ATRNL1: variants seen among roughly 807,000 people sequenced by gnomAD.
The protein encoded by ATRNL1 is attractin like 1, also known as attractin-like protein 1.
A neutral mutation model predicts 182.7 loss-of-function variants in ATRNL1; 95 were observed. The ratio of observed to expected loss-of-function variants is 0.52; its 90% confidence interval spans 0.44 to 0.62. ATRNL1 has a LOEUF of 0.62. Among genes scored for constraint, ATRNL1 ranks in the 20% least tolerant of loss-of-function variants. The pLI, the probability that ATRNL1 is intolerant of heterozygous loss-of-function variation, is 0.00. For synonymous variants in ATRNL1, 576 were observed against 568.3 expected, an observed-to-expected ratio of 1.01 and a Z score of -0.19; for missense variants, 1,471 against 1,679.5, an observed-to-expected ratio of 0.88 and a Z score of 2.17.
chr10:115,754,672 G>A (rs1463756719), intron 27 of ATRNL1, among the ~76,000 whole-genome samples: 1 of 152,138 alleles, frequency 6.6e-6, no homozygotes, highest in Non-Finnish European at 1.5e-5. Context: ...GGTTCCATAT[G>A]AACTTTAAAG....
intron 20 of ATRNL1, among the ~76,000 whole-genome samples, chr10:115,412,987 C>T (rs1284262956): frequency 6.6e-6 from 1 of 151,968 alleles, no homozygotes; most frequent in African/African-American, 2.4e-5. Flanking sequence ...ATCTTGATTC[C>T]AGATCATATT....
At chr10:115,798,197 A>G (rs577703284) in intron 27 of ATRNL1, among the ~76,000 whole-genome samples, 5 of 152,260 alleles carry the variant, frequency 3.3e-5, no homozygotes, top group East Asian at 1.9e-4. Context: ...GATTACAGGC[A>G]GGAGCCACCG....
intron 24 of ATRNL1, among the ~76,000 whole-genome samples, chr10:115,503,834 A>T (rs1298502099): frequency 9.9e-5 from 15 of 151,552 alleles, no homozygotes. Context: ...ACCCTACAAG[A>T]TTTTTTTTCA....
chr10:115,183,311 A>AAAAAGAAT (rs1847818050), intron 8 of ATRNL1, among the ~76,000 whole-genome samples: 1 of 151,616 alleles, frequency 6.6e-6, no homozygotes, highest in Non-Finnish European at 1.5e-5. Context: ...AAAAAGCTAG[A>AAAAAGAAT]AAAAGAATAG....
chr10:115,581,156 A>C (rs2133885830), intron 26 of ATRNL1, among the ~76,000 whole-genome samples: 1 of 152,294 alleles, frequency 6.6e-6, no homozygotes, highest in South Asian at 2.1e-4. Flanking sequence ...CTGTGTTATC[A>C]GACTAGTGTC....
intron 8 of ATRNL1, among the ~76,000 whole-genome samples, chr10:115,177,087 G>A (rs1224496501): frequency 2.0e-5 from 3 of 152,126 alleles, no homozygotes; most frequent in Non-Finnish European, 2.9e-5. Context: ...AGATAAGCAA[G>A]GAAGAGTACG....
chr10:115,806,266 T>C (rs1949918084), intron 27 of ATRNL1, among the ~76,000 whole-genome samples: 1 of 152,130 alleles, frequency 6.6e-6, no homozygotes. Flanking sequence ...AATGCATAAA[T>C]TTTTTAGACA....
At chr10:115,452,977 G>A (rs1847351083) in intron 21 of ATRNL1, among the ~76,000 whole-genome samples, 1 of 152,030 alleles carries the variant, frequency 6.6e-6, no homozygotes, top group Non-Finnish European at 1.5e-5. Context: ...ATTTCACTTA[G>A]CATCATGTTC....
At chr10:115,129,001 C>A (rs1322615653) in intron 4 of ATRNL1, among the ~76,000 whole-genome samples, 3 of 151,936 alleles carry the variant, frequency 2.0e-5, no homozygotes, top group African/African-American at 7.3e-5. Flanking sequence ...AATATACAAT[C>A]AAAACATTGA....
At chr10:115,671,353 A>T (rs2133928585) in intron 26 of ATRNL1, among the ~76,000 whole-genome samples, 1 of 152,282 alleles carries the variant, frequency 6.6e-6, no homozygotes, top group Non-Finnish European at 1.5e-5. Flanking sequence ...AAGAGAAGAA[A>T]AGAAAAAGTA....
chr10:115,316,628 C>T (rs1382207513), intron 18 of ATRNL1, among the ~76,000 whole-genome samples: 1 of 152,124 alleles, frequency 6.6e-6, no homozygotes, highest in African/African-American at 2.4e-5. Context: ...GATGGTATCT[C>T]ATTGTGGTTT....
chr10:115,713,705 C>CTATCTATCTATCTATCATCT lies in ATRNL1; in HGVS notation c.3796-13543_3796-13542insTATCTATCTATCTATCATCT, dbSNP rs1555055340. ...TCTATCTATCTATCTATCTATCTATCATCTATCTATCTATCTATCTATCTA... is the reference window on the plus strand; with the variant it reads ...TCTATCTATCTATCTATCTATCTATCTATCTATCTATCTATCATCTATCTATCTATCTATCTATCTATCTA... On this transcript the variant is annotated intron_variant, in intron 26 of 28. Transcript: ENST00000355044. Among the ~76,000 whole-genome samples the CTATCTATCTATCTATCATCT allele has an allele frequency of 7.7e-3, 776 of 101,108 alleles. 4 individuals carry two copies. Among genetic ancestry groups the CTATCTATCTATCTATCATCT allele is most frequent in the East Asian group, 0.018 (40 of 2,182 alleles). 66.3% of individuals were successfully genotyped at this position (101,108 alleles called of 152,430 possible).
At chr10:115,904,159 C>T (rs1228888163) in intron 28 of ATRNL1, among the ~76,000 whole-genome samples, 1 of 152,146 alleles carries the variant, frequency 6.6e-6, no homozygotes, top group Non-Finnish European at 1.5e-5. Flanking sequence ...AAGCCAATCA[C>T]CTGCCAGCAA....
intron 25 of ATRNL1, among the ~76,000 whole-genome samples, chr10:115,531,055 C>G (rs1168218956): frequency 6.6e-6 from 1 of 151,982 alleles, no homozygotes; most frequent in Non-Finnish European, 1.5e-5. Flanking sequence ...GGTTCCAAGT[C>G]TTTGCTATTG....
chr10:115,606,977 T>C (rs1856907860), intron 26 of ATRNL1, among the ~76,000 whole-genome samples: 1 of 151,954 alleles, frequency 6.6e-6, no homozygotes. Flanking sequence ...CGTGATAAAG[T>C]ATGAGGGACA....
At chr10:115,096,173 T>C (rs947581287) in intron 1 of ATRNL1, among the ~76,000 whole-genome samples, 4 of 152,234 alleles carry the variant, frequency 2.6e-5, no homozygotes, top group Non-Finnish European at 5.9e-5. Context: ...TGAGTATTCA[T>C]CTTTTCCTTG....
intron 19 of ATRNL1, among the ~76,000 whole-genome samples, chr10:115,362,080 C>T (rs1856776589): frequency 6.6e-6 from 1 of 151,852 alleles, no homozygotes; most frequent in South Asian, 2.1e-4. Context: ...CAAGAGCTAT[C>T]ATGTATCCAA....
intron 26 of ATRNL1, among the ~76,000 whole-genome samples, chr10:115,716,097 A>G (rs1050476922): frequency 8.5e-5 from 13 of 152,186 alleles, no homozygotes; most frequent in Non-Finnish European, 1.9e-4. Context: ...TTTAAAAAAC[A>G]TCATGTCTCC....
intron 27 of ATRNL1, among the ~76,000 whole-genome samples, chr10:115,831,189 T>C (rs529675414): frequency 6.0e-4 from 92 of 152,106 alleles, no homozygotes; most frequent in Non-Finnish European, 1.0e-3. Flanking sequence ...TTTCCCTAAG[T>C]GCGTCACTGA....
Sources: allele counts gnomAD v4.1 joint callset (sites outside exome capture counted in the v4.1 genomes callset), GRCh38; gene constraint gnomAD v4.1.1; transcripts MANE v1.5; gene names NCBI Gene and HGNC (gene_info 2026-07-23, HGNC 2026-07-21).